RARB: variants seen among roughly 807,000 people sequenced by gnomAD.
The protein encoded by RARB is retinoic acid receptor beta, also known as HBV-activated protein.
RARB carries 17 observed loss-of-function variants against 51.9 expected under a neutral mutation model. The ratio of observed to expected loss-of-function variants is 0.33; its 90% CI spans 0.22 to 0.49. The LOEUF (loss-of-function observed/expected upper bound fraction) is 0.49, where lower values mean the gene tolerates loss of function less well. Ranked by LOEUF, RARB falls within the 20% of genes least tolerant of loss-of-function variation. The pLI is 0.99. For missense variants in RARB, 369 were observed against 550.8 expected (o/e 0.67, Z 3.30); for synonymous variants, 215 against 195.4 (o/e 1.10, Z -0.84).
intron 1 of RARB, among the ~76,000 whole-genome samples, chr3:25,440,490 A>G (rs1169534748): frequency 1.3e-5 from 2 of 151,804 alleles, no homozygotes; most frequent in Non-Finnish European, 2.9e-5. Flanking sequence ...AAAAAAATCC[A>G]GGCCAGGCAT....
chr3:25,292,379 T>G (rs1361531301), intron 5 of RARB, among the ~76,000 whole-genome samples: 2 of 152,124 alleles, frequency 1.3e-5, no homozygotes, highest in Non-Finnish European at 2.9e-5. Context: ...ACACAGCATT[T>G]TCTTTCATGT....
chr3:25,041,399 A>G (rs569181471), intron 2 of RARB, among the ~76,000 whole-genome samples: 37 of 152,190 alleles, frequency 2.4e-4, no homozygotes, highest in Non-Finnish European at 4.7e-4. Flanking sequence ...TGGAAAGTTC[A>G]TAGAACAAGG....
At chr3:25,227,405 C>T (rs962542516) in intron 5 of RARB, among the ~76,000 whole-genome samples, 2 of 152,062 alleles carry the variant, frequency 1.3e-5, no homozygotes, top group African/African-American at 4.8e-5. Flanking sequence ...TAACAGGTCT[C>T]TTTTTTTGCT....
At chr3:25,398,070 T>G (rs535021828) in intron 5 of RARB, among the ~76,000 whole-genome samples, 1 of 152,246 alleles carries the variant, frequency 6.6e-6, no homozygotes, top group Non-Finnish European at 1.5e-5. Context: ...TATGATATAT[T>G]TTTACATGAA....
intron 2 of RARB, among the ~76,000 whole-genome samples, chr3:25,470,643 A>T (rs1695639433): frequency 6.6e-6 from 1 of 152,242 alleles, no homozygotes; most frequent in Non-Finnish European, 1.5e-5. Context: ...TTTATTTTGC[A>T]TAACCCTATA....
chr3:24,917,234 T>G (rs116060469), intron 2 of RARB, among the ~76,000 whole-genome samples: 2,789 of 152,158 alleles, frequency 0.018, 49 homozygotes, highest in Middle Eastern at 0.065. Context: ...CAAAAAAGTT[T>G]TAGAAAAAAA....
intron 5 of RARB, among the ~76,000 whole-genome samples, chr3:25,369,890 C>G (rs1324276032): frequency 6.6e-6 from 1 of 151,790 alleles, no homozygotes; most frequent in Non-Finnish European, 1.5e-5. Flanking sequence ...CCATTGCACT[C>G]CAGCCTGGAC....
chr3:24,853,994 G>C (rs1702599795), intron 1 of RARB, among the ~76,000 whole-genome samples: 1 of 152,192 alleles, frequency 6.6e-6, no homozygotes, highest in Non-Finnish European at 1.5e-5. Context: ...TCAGATTGAA[G>C]AACTAAGTGT....
chr3:25,027,957 C>A (rs1309786928), intron 2 of RARB, among the ~76,000 whole-genome samples: 4 of 131,440 alleles, frequency 3.0e-5, no homozygotes, highest in Non-Finnish European at 4.9e-5. Context: ...AATAAACAGG[C>A]CTTCATTGGC....
At chr3:25,328,021 C>A (rs1372898673) in intron 5 of RARB, among the ~76,000 whole-genome samples, 2 of 152,234 alleles carry the variant, frequency 1.3e-5, no homozygotes, top group Admixed American at 6.5e-5. Flanking sequence ...TTAACAAAAA[C>A]CTTATCAAGA....
intron 5 of RARB, among the ~76,000 whole-genome samples, chr3:25,414,314 A>G (rs1217269575): frequency 2.6e-5 from 4 of 152,208 alleles, no homozygotes; most frequent in Admixed American, 6.5e-5. Flanking sequence ...TGTTTTACCA[A>G]TTCACCTATT....
intron 4 of RARB, among the ~76,000 whole-genome samples, chr3:25,157,397 TTTG>T (rs958536022): frequency 2.6e-5 from 4 of 151,596 alleles, no homozygotes; most frequent in African/African-American, 7.3e-5. Flanking sequence ...TATGGTTTTT[TTTG>T]TTGTTGTTTT....
At chr3:25,293,597 TA>T (rs10713675) in intron 5 of RARB, among the ~76,000 whole-genome samples, 16,980 of 68,650 alleles carry the variant, frequency 0.25, 2,550 homozygotes, top group South Asian at 0.51. Context: ...TTACTCCATT[TA>T]AAAAAAAAAA....
At chr3:25,146,290 T>A (rs547962980) in intron 4 of RARB, among the ~76,000 whole-genome samples, 28 of 152,162 alleles carry the variant, frequency 1.8e-4, no homozygotes, top group South Asian at 4.1e-4. Context: ...AAACTTTTCC[T>A]AGAATGGGCC....
chr3:24,938,613 A>ATT (rs1695593555), intron 2 of RARB, among the ~76,000 whole-genome samples: 1 of 152,196 alleles, frequency 6.6e-6, no homozygotes, highest in Admixed American at 6.5e-5. Flanking sequence ...TAAATGGACA[A>ATT]TTAAGTGGCA....
intron 2 of RARB, among the ~76,000 whole-genome samples, chr3:24,928,768 G>A (rs948926707): frequency 6.6e-6 from 1 of 151,950 alleles, no homozygotes; most frequent in African/African-American, 2.4e-5. Flanking sequence ...TCTCTCCAAT[G>A]ATAAGATCAT....
intron 3 of RARB, among the ~76,000 whole-genome samples, chr3:25,069,670 G>C (rs370173707): frequency 6.6e-6 from 1 of 152,118 alleles, no homozygotes; most frequent in Non-Finnish European, 1.5e-5. Flanking sequence ...CTGTCACAGC[G>C]TTTTATCTGG....
At chr3:24,945,012 C>T (rs765539244) in intron 2 of RARB, among the ~76,000 whole-genome samples, 7 of 152,156 alleles carry the variant, frequency 4.6e-5, no homozygotes, top group Non-Finnish European at 4.4e-5. Context: ...TGAACATGTG[C>T]GCCCTTCCAG....
At chr3:25,551,169 T>G (rs1278468639) in intron 3 of RARB, among the ~76,000 whole-genome samples, 1 of 152,112 alleles carries the variant, frequency 6.6e-6, no homozygotes, top group Non-Finnish European at 1.5e-5. Flanking sequence ...GTCCTCATAG[T>G]GGGGACCTAT....
Sources: allele counts gnomAD v4.1 joint callset (sites outside exome capture counted in the v4.1 genomes callset), GRCh38; gene constraint gnomAD v4.1.1; transcripts MANE v1.5; gene names NCBI Gene and HGNC (gene_info 2026-07-23, HGNC 2026-07-21).